ZMYM2: variants seen among roughly 807,000 people sequenced by gnomAD.
ZMYM2 encodes zinc finger MYM-type containing 2.
Under a neutral mutation model 162.8 loss-of-function variants are expected in ZMYM2, and 56 were observed. The observed-to-expected ratio is 0.34, with a 90% CI of 0.28 to 0.43. The LOEUF (loss-of-function observed/expected upper bound fraction) is 0.43. Among genes scored for constraint, ZMYM2 ranks in the 20% least tolerant of loss-of-function variants. The probability of loss-of-function intolerance (pLI) is 1.00; values close to 1 mark genes in which losing one functional copy is unlikely to be tolerated. For synonymous variants in ZMYM2, 510 were observed against 541.6 expected (o/e 0.94, Z 0.81); for missense variants, 1,275 against 1,621.8 (o/e 0.79, Z 3.67).
intron 11 of ZMYM2, among the ~76,000 whole-genome samples, chr13:20,035,151 A>T (rs1264361548): frequency 6.6e-6 from 1 of 152,018 alleles, no homozygotes; most frequent in Non-Finnish European, 1.5e-5. Context: ...AATGAGGAAT[A>T]TTTTTTTCTG....
rs1304539709 is a variant in ZMYM2, at chr13:20,088,013, A to G, written c.*1999A>G. On this transcript the variant is annotated 3_prime_UTR_variant, in exon 25 of 25. Transcript: ENST00000610343. ...GTTTTTCCCAGGTGTCACTTATTGT[A>G]TATGTTACCAAATACCATGAATTTC... 4 of 195,090 alleles carry G rather than the reference A, an allele frequency of 2.1e-5. No individual in the cohort carries two copies. Among genetic ancestry groups the G allele is most frequent in the Admixed American group, 1.2e-4 (2 of 16,430 alleles). 12.1% of individuals were successfully genotyped at this position (195,090 alleles called of 1,614,324 possible).
the ZMYM2 span, among the ~76,000 whole-genome samples, chr13:19,947,943 A>T: frequency 8.6e-5 from 13 of 152,002 alleles, no homozygotes; most frequent in East Asian, 2.5e-3. Flanking sequence ...AATAAAAAAA[A>T]TTAGCAAGAC....
rs780089975 is a variant in ZMYM2, at chr13:20,036,851, T to G, written c.2234T>G (p.Val745Gly). The G allele has an allele frequency of 4.3e-6, 7 of 1,610,568 alleles. No homozygotes were observed. The highest frequency in any genetic ancestry group is 2.2e-5 in the East Asian group (1 of 44,672). ...GGAGCAACTAAAGAACTCGATGGTG[T>G]TGTGAGAGATTTCTGCAGTGAAGAT... ...KKGATKELDG[V>G]VRDFCSEDCC... Residue 745 changes from valine to glycine, a missense_variant, in exon 12 of 25, where the codon GTT (valine) becomes GGT (glycine). This residue lies in a region of ZMYM2 where 177 missense variants were observed against 228.0 expected (regional missense o/e 0.78). Transcript: ENST00000610343.
intron 24 of ZMYM2, among the ~76,000 whole-genome samples, chr13:20,084,185 G>T (rs541621514): frequency 6.6e-6 from 1 of 152,182 alleles, no homozygotes; most frequent in South Asian, 2.1e-4. Flanking sequence ...GCTAATTTTT[G>T]TATTTTTTGT....
At chr13:19,948,775 G>A in the ZMYM2 span, among the ~76,000 whole-genome samples, 1 of 152,342 alleles carries the variant, frequency 6.6e-6, no homozygotes, top group South Asian at 2.1e-4. Flanking sequence ...GGCTATGCAG[G>A]TGTGGAATGG....
intron 2 of ZMYM2, among the ~76,000 whole-genome samples, chr13:19,968,069 C>G (rs1314850189): frequency 1.3e-5 from 2 of 152,210 alleles, no homozygotes; most frequent in Non-Finnish European, 2.9e-5. Context: ...AAGAAATCCA[C>G]TGTCTGATCT....
chr13:20,033,383 G>A (rs941834331), intron 10 of ZMYM2, among the ~76,000 whole-genome samples: 1 of 152,086 alleles, frequency 6.6e-6, no homozygotes, highest in African/African-American at 2.4e-5. Context: ...GTGTCCCCCT[G>A]GGAGATTGAG....
chr13:19,930,733 T>C, the ZMYM2 span, among the ~76,000 whole-genome samples: 1 of 151,052 alleles, frequency 6.6e-6, no homozygotes, highest in Non-Finnish European at 1.5e-5. Flanking sequence ...AGAGATGGGG[T>C]TTTCCATATT....
In ZMYM2 at chr13:20,026,980, T is replaced by TA. The variant is rs563784334; in HGVS notation, c.1735+219dup. Among the ~76,000 whole-genome samples, 324 of 152,242 alleles carry TA rather than the reference T, an allele frequency of 2.1e-3. 3 individuals are homozygous for TA. The highest frequency in any genetic ancestry group is 5.0e-3 in the Admixed American group (76 of 15,286). On this transcript the variant is annotated intron_variant, in intron 8 of 24. Transcript: ENST00000610343. Reference sequence around the variant, plus strand: ...AAAATTGTTACTCCATCTAAAAAATTACCCAAAACTGAGTTTTTTCTCTAT... The same window carrying TA: ...AAAATTGTTACTCCATCTAAAAAATTAACCCAAAACTGAGTTTTTTCTCTAT...
At chr13:19,985,592 A>G (rs1258353207) in intron 2 of ZMYM2, among the ~76,000 whole-genome samples, 1 of 151,930 alleles carries the variant, frequency 6.6e-6, no homozygotes, top group Non-Finnish European at 1.5e-5. Flanking sequence ...AATCCCAGCT[A>G]CTCAGGAGGC....
intron 2 of ZMYM2, among the ~76,000 whole-genome samples, chr13:19,989,164 G>GT (rs1949409798): frequency 6.6e-6 from 1 of 151,980 alleles, no homozygotes; most frequent in African/African-American, 2.4e-5. Flanking sequence ...GTATATATAG[G>GT]TTTTTGGGAT....
chr13:20,066,130 C>T (rs1956655935), intron 19 of ZMYM2, among the ~76,000 whole-genome samples: 1 of 152,234 alleles, frequency 6.6e-6, no homozygotes, highest in African/African-American at 2.4e-5. Flanking sequence ...GAATACCAGT[C>T]AGTTCAAAGC....
chr13:19,927,104 C>T, the ZMYM2 span, among the ~76,000 whole-genome samples: 25 of 152,230 alleles, frequency 1.6e-4, no homozygotes, highest in Non-Finnish European at 2.6e-4. Context: ...ATTCCCTTTC[C>T]TAAGACTTCT....
At chr13:19,965,522 A>G (rs1383334091) in intron 2 of ZMYM2, among the ~76,000 whole-genome samples, 2 of 152,168 alleles carry the variant, frequency 1.3e-5, no homozygotes, top group Non-Finnish European at 2.9e-5. Flanking sequence ...GTCATAAAAT[A>G]TGTGTTCTGT....
intron 12 of ZMYM2, among the ~76,000 whole-genome samples, chr13:20,047,761 T>C (rs1954956596): frequency 6.6e-6 from 1 of 152,124 alleles, no homozygotes; most frequent in South Asian, 2.1e-4. Context: ...AGATTTAAAA[T>C]AGAGATTTAT....
rs766633806 is a variant in ZMYM2 at position 20,083,650 on chromosome 13, T to C, written c.3821-6T>C. 2.3e-5 allele frequency: 34 copies of C among 1,503,224 alleles called. No individual in the cohort carries two copies. Among genetic ancestry groups the C allele is most frequent in the Non-Finnish European group, 2.4e-5 (26 of 1,106,010 alleles). 93.1% of individuals were successfully genotyped at this position (1,503,224 alleles called of 1,614,324 possible). A position where few individuals can be genotyped will look rare whatever the true frequency, so the allele number is the denominator to read the frequency against. The stretch of plus-strand genomic sequence containing the variant: ...TAGGAGGTTTATTTCACTTTTATTT[T>C]TTAAGATAAAATTACTACTGGAAAA... On this transcript the variant is annotated splice_polypyrimidine_tract_variant and splice_region_variant and intron_variant, in intron 23 of 24. Coordinates refer to ENST00000610343, the MANE Select transcript of ZMYM2 (RefSeq NM_197968.4).
At chr13:19,883,938 G>C in the ZMYM2 span, among the ~76,000 whole-genome samples, 1 of 152,160 alleles carries the variant, frequency 6.6e-6, no homozygotes, top group African/African-American at 2.4e-5. Flanking sequence ...TGTATTTTTA[G>C]TACAGACGGG....
chr13:19,982,038 G>A (rs1957378618), intron 2 of ZMYM2, among the ~76,000 whole-genome samples: 1 of 152,170 alleles, frequency 6.6e-6, no homozygotes, highest in African/African-American at 2.4e-5. Flanking sequence ...GGAGATGTGT[G>A]ACTTGCAGTT....
rs150636508 is a variant in ZMYM2 at position 20,084,043 on chromosome 13, T to G, written c.3941+267T>G. Among the ~76,000 whole-genome samples the G allele has an allele frequency of 7.4e-3, 1,132 of 152,302 alleles. 11 individuals carry two copies. The highest frequency in any genetic ancestry group is 0.025 in the African/African-American group (1,030 of 41,560). On this transcript the variant is annotated intron_variant, in intron 24 of 24. Coordinates refer to ENST00000610343, the MANE Select transcript of ZMYM2 (RefSeq NM_197968.4). ...TTTTCTTTTGGAGATGGGGTCTTGC[T>G]CTCTCACCGAGGCTGGAGTACAGTG...
Sources: allele counts gnomAD v4.1 joint callset (sites outside exome capture counted in the v4.1 genomes callset), GRCh38; gene constraint gnomAD v4.1.1; regional missense constraint gnomAD v4.1.1; transcripts MANE v1.5; gene names NCBI Gene and HGNC (gene_info 2026-07-23, HGNC 2026-07-21).